COL9A1: variants seen among roughly 807,000 people sequenced by gnomAD.
The protein encoded by COL9A1 is collagen alpha-1(IX) chain.
Under a neutral mutation model 142.6 loss-of-function variants are expected in COL9A1, and 104 were observed. The observed-to-expected ratio is 0.73, with a 90% CI of 0.62 to 0.86. The LOEUF is 0.86. COL9A1 is among the 40% of genes least tolerant of loss of function. The pLI, the probability that COL9A1 is intolerant of heterozygous loss-of-function variation, is 0.00. For missense variants in COL9A1, 1,210 were observed against 1,176.6 expected (o/e 1.03, Z -0.42); for synonymous variants, 466 against 396.0 (o/e 1.18, Z -2.10).
At chr6:70,219,676 C>T (rs896920525) in intron 37 of COL9A1, among the ~76,000 whole-genome samples, 1 of 152,182 alleles carries the variant, frequency 6.6e-6, no homozygotes, top group Non-Finnish European at 1.5e-5. Context: ...AAAGTGGATG[C>T]GGGCAGCAGC....
In COL9A1 at chr6:70,226,661, A is replaced by C. The variant is rs73473561; in HGVS notation, c.2504-652T>G. Among the ~76,000 whole-genome samples, 1,328 of 152,240 alleles carry C rather than the reference A, an allele frequency of 8.7e-3. 22 individuals are homozygous for C. The highest frequency in any genetic ancestry group is 0.029 in the African/African-American group (1,221 of 41,554). On this transcript the variant is annotated intron_variant, in intron 36 of 37. Coordinates refer to ENST00000357250, the MANE Select transcript of COL9A1 (RefSeq NM_001851.6). Reference sequence around the variant, plus strand: ...ATATTAAATAACGAGGAATAAAACTAATCAGAAATAGGCAAGTCCAACATG... The same window carrying C: ...ATATTAAATAACGAGGAATAAAACTCATCAGAAATAGGCAAGTCCAACATG...
intron 21 of COL9A1, 66 bp from the exon 22 acceptor site, chr6:70,255,456 G>A (rs968910890): frequency 4.3e-6 from 6 of 1,399,810 alleles, no homozygotes; most frequent in Non-Finnish European, 6.1e-6. Flanking sequence ...TTAAAAATTA[G>A]AAAGTATCAT....
chr6:70,291,473 A>G (rs1773659688), intron 5 of COL9A1, among the ~76,000 whole-genome samples: 1 of 152,094 alleles, frequency 6.6e-6, no homozygotes, highest in Non-Finnish European at 1.5e-5. Context: ...AGCACTGGCC[A>G]CTATCATGGT....
intron 11 of COL9A1, among the ~76,000 whole-genome samples, chr6:70,274,456 T>G (rs1772618290): frequency 6.6e-6 from 1 of 152,152 alleles, no homozygotes; most frequent in Admixed American, 6.5e-5. Context: ...AGTGAGAACA[T>G]GCAGTATTTG....
chr6:70,273,710 A>C (rs1772552379), intron 12 of COL9A1, among the ~76,000 whole-genome samples: 1 of 152,144 alleles, frequency 6.6e-6, no homozygotes, highest in African/African-American at 2.4e-5. Context: ...TTGAATACTT[A>C]GATATGCTGT....
intron 15 of COL9A1, among the ~76,000 whole-genome samples, chr6:70,269,961 A>G (rs1286864519): frequency 5.9e-5 from 9 of 152,222 alleles, no homozygotes. Context: ...CTTCCATTTA[A>G]ACTCATATTC....
intron 31 of COL9A1, 85 bp downstream of exon 31, chr6:70,241,334 C>A: frequency 4.6e-6 from 5 of 1,085,272 alleles, no homozygotes; most frequent in South Asian, 1.2e-5. Context: ...TTTTATTAAC[C>A]CCCATAAACC....
intron 5 of COL9A1, among the ~76,000 whole-genome samples, chr6:70,288,783 C>T (rs753843688): frequency 4.6e-5 from 7 of 152,142 alleles, no homozygotes; most frequent in Non-Finnish European, 1.0e-4. Context: ...CTCCATGAGG[C>T]CCTCACTCAA....
chr6:70,259,786 A>AT (rs1771556034), intron 20 of COL9A1, among the ~76,000 whole-genome samples: 1 of 152,134 alleles, frequency 6.6e-6, no homozygotes, highest in Non-Finnish European at 1.5e-5. Flanking sequence ...TAAAGGTCTT[A>AT]TTCCCCTTGG....
At chr6:70,301,215 C>T (rs1046043555) in intron 2 of COL9A1, among the ~76,000 whole-genome samples, 2 of 152,140 alleles carry the variant, frequency 1.3e-5, no homozygotes, top group African/African-American at 4.8e-5. Flanking sequence ...AATATCCAAC[C>T]TCAGTGCCTT....
chr6:70,298,133 G>A (rs1449644299), intron 4 of COL9A1, among the ~76,000 whole-genome samples: 1 of 152,192 alleles, frequency 6.6e-6, no homozygotes, highest in African/African-American at 2.4e-5. Context: ...TTGGGAGGCA[G>A]ATTATAAAGA....
chr6:70,279,921 A>G, intron 10 of COL9A1: 1 of 570,178 alleles, frequency 1.8e-6, no homozygotes. Flanking sequence ...TGGTAACTTG[A>G]AGAGTAACTT....
At chr6:70,294,598 T>C in intron 4 of COL9A1, 35 bp from the exon 5 acceptor site, 2 of 1,603,278 alleles carry the variant, frequency 1.2e-6, no homozygotes, top group Non-Finnish European at 1.7e-6. Flanking sequence ...ACATGCATCT[T>C]GTTTCCTGTA....
In COL9A1 at chr6:70,216,642, G is replaced by A. The variant is rs937880910; in HGVS notation, c.*255C>T. ...AGGAGTATAAATTTATTCAAGGGAG[G>A]TGTTTGGTTTTCTTTTTTTTTTTTT... is the stretch of plus-strand genomic sequence containing the variant. On this transcript the variant is annotated 3_prime_UTR_variant, in exon 38 of 38. Coordinates refer to ENST00000357250, the MANE Select transcript of COL9A1 (RefSeq NM_001851.6). 4 of 511,946 alleles carry A rather than the reference G, an allele frequency of 7.8e-6. No individual in the cohort carries two copies. Among genetic ancestry groups the A allele is most frequent in the Non-Finnish European group, 1.1e-5 (3 of 284,688 alleles). 31.7% of individuals were successfully genotyped at this position (511,946 alleles called of 1,614,324 possible).
intron 30 of COL9A1, 109 bp downstream of exon 30, chr6:70,241,855 T>G (rs1034658002): frequency 1.1e-6 from 1 of 936,640 alleles, no homozygotes; most frequent in Non-Finnish European, 1.7e-6. Context: ...TAGCTGTTTA[T>G]GATAAATTCT....
intron 10 of COL9A1, among the ~76,000 whole-genome samples, chr6:70,276,738 A>G (rs113731303): frequency 2.0e-5 from 3 of 152,284 alleles, no homozygotes; most frequent in East Asian, 3.9e-4. Flanking sequence ...ACTGCCTACA[A>G]TAAGTTTAAG....
chr6:70,225,332 G>C (rs559356869), intron 37 of COL9A1, among the ~76,000 whole-genome samples: 1 of 152,258 alleles, frequency 6.6e-6, no homozygotes, highest in East Asian at 1.9e-4. Context: ...AGAACAGAAG[G>C]CCCAGTGAGA....
chr6:70,263,180 A>C (rs983728895), intron 19 of COL9A1, 64 bp downstream of exon 19: 25 of 1,293,490 alleles, frequency 1.9e-5, no homozygotes, highest in Non-Finnish European at 2.5e-5. Flanking sequence ...AAAATATTCC[A>C]ACAGTCATGA....
chr6:70,280,245 A>G, intron 10 of COL9A1: 1 of 1,179,584 alleles, frequency 8.5e-7, no homozygotes, highest in Non-Finnish European at 1.1e-6. Flanking sequence ...CCATGGAAAG[A>G]CGAAAATCTA....
Sources: gnomAD v4.1 joint callset for allele counts (sites outside exome capture counted in the v4.1 genomes callset) on GRCh38, gnomAD v4.1.1 for gene constraint, MANE v1.5 for transcripts, NCBI Gene and HGNC (gene_info 2026-07-23, HGNC 2026-07-21) for gene names.